The following CP variants were observed in gnomAD, a reference collection of about 807,000 sequenced individuals.
CP encodes ceruloplasmin.
A neutral mutation model predicts 122.4 loss-of-function variants in CP; 64 were observed. That is an observed-to-expected ratio of 0.52 (90% CI 0.43 to 0.64). The LOEUF (loss-of-function observed/expected upper bound fraction) is 0.64. Among genes scored for constraint, CP ranks in the 30% least tolerant of loss-of-function variants. CP has a pLI of 0.00. For missense variants in CP, 1,167 were observed against 1,284.4 expected (o/e 0.91, Z 1.40); for synonymous variants, 440 against 436.4 (o/e 1.01, Z -0.10).
intron 6 of CP, among the ~76,000 whole-genome samples, chr3:149,203,738 G>T (rs560760941): frequency 3.9e-5 from 6 of 152,280 alleles, no homozygotes; most frequent in Non-Finnish European, 8.8e-5. Context: ...CCTGCTCTTT[G>T]CTGGGAATCC....
At chr3:149,204,056 G>A (rs78038778) in intron 6 of CP, among the ~76,000 whole-genome samples, 14,972 of 152,186 alleles carry the variant, frequency 0.098, 1,183 homozygotes, top group East Asian at 0.39. Flanking sequence ...CAGGCTTAGA[G>A]AAAAGAGCGA....
chr3:149,167,989 A>G (rs1441622426), downstream of CP: 5 of 1,459,972 alleles, frequency 3.4e-6, no homozygotes, highest in East Asian at 1.2e-4. Flanking sequence ...AAAAGGTAAA[A>G]TGATTTTTTT....
At chr3:149,165,685 G>T (rs1319570388) in intron 5 of CP, among the ~76,000 whole-genome samples, 1 of 151,694 alleles carries the variant, frequency 6.6e-6, no homozygotes, top group South Asian at 2.1e-4. Flanking sequence ...CTAAGTAAAA[G>T]TTCATGGGTA....
At chr3:149,208,664 A>G (rs1046945988) in intron 4 of CP, among the ~76,000 whole-genome samples, 3 of 152,146 alleles carry the variant, frequency 2.0e-5, no homozygotes, top group Admixed American at 2.0e-4. Context: ...TACTAAGCTC[A>G]TTATTTTGTG....
chr3:149,209,840 G>A (rs1727988848), intron 3 of CP, among the ~76,000 whole-genome samples: 1 of 152,108 alleles, frequency 6.6e-6, no homozygotes, highest in Non-Finnish European at 1.5e-5. Context: ...ATCTATCACC[G>A]TGGAGTGCCC....
In CP at chr3:149,210,339, T is replaced by A; in HGVS notation, c.435A>T (p.Ala145=). ...GCTCTCCTGGATATACTTTGTCATC[T>A]GCTCTTTGAAAATCTGTGGTGTTAT... The part of the protein sequence containing the change: ...YPDNTTDFQR[A]DDKVYPGEQY... Residue 145 remains alanine (A), a synonymous_variant, in exon 3 of 19, where the codon GCA becomes GCT. Coordinates refer to ENST00000264613, the MANE Select transcript of CP (RefSeq NM_000096.4). 6.2e-7 allele frequency: 1 copy of A among 1,614,122 alleles called. No homozygotes were observed. Among genetic ancestry groups the A allele is most frequent in the Non-Finnish European group, 8.5e-7 (1 of 1,179,944 alleles).
downstream of CP, chr3:149,168,319 A>C (rs1724631640): frequency 1.5e-5 from 4 of 259,168 alleles, no homozygotes; most frequent in South Asian, 2.0e-4. Context: ...AATTTACTTC[A>C]TGTAGGAAGT....
At chr3:149,206,019 C>T in intron 6 of CP, 149 bp downstream of exon 6, 1 of 741,048 alleles carries the variant, frequency 1.3e-6, no homozygotes, top group Non-Finnish European at 2.2e-6. Flanking sequence ...AGCTCAGACT[C>T]TTACATCAAA....
chr3:149,211,156 C>A (rs1206320211), intron 2 of CP, among the ~76,000 whole-genome samples: 1 of 152,176 alleles, frequency 6.6e-6, no homozygotes, highest in Non-Finnish European at 1.5e-5. Flanking sequence ...AAAGTCAACA[C>A]ATTCACTTTC....
chr3:149,164,477 G>C (rs1053110774), intron 5 of CP, among the ~76,000 whole-genome samples: 2 of 152,132 alleles, frequency 1.3e-5, no homozygotes, highest in African/African-American at 4.8e-5. Context: ...CAGTGTTTTG[G>C]CTGGCAGTGA....
intron 6 of CP, among the ~76,000 whole-genome samples, chr3:149,202,972 T>C (rs1193228415): frequency 6.9e-6 from 1 of 145,504 alleles, no homozygotes; most frequent in African/African-American, 2.6e-5. Flanking sequence ...AGTGGTGCCA[T>C]CTCAGCTCAC....
chr3:149,185,727 C>T (rs1411861736), intron 11 of CP, among the ~76,000 whole-genome samples: 1 of 152,178 alleles, frequency 6.6e-6, no homozygotes, highest in East Asian at 1.9e-4. Flanking sequence ...TTAAGTAGCA[C>T]CTCCTGAGAG....
chr3:149,162,633 C>A, exon 6 of CP: 1 of 1,548,630 alleles, frequency 6.5e-7, no homozygotes, highest in South Asian at 1.1e-5. Context: ...GCCCAGCTGT[C>A]GCTTTATCAG....
rs1176317888 is a variant in CP, at chr3:149,203,250, C to T, written c.1209-1009G>A. Among the ~76,000 whole-genome samples, 4 of 151,922 alleles carry T rather than the reference C, an allele frequency of 2.6e-5. 1 individual carries two copies. The highest frequency in any genetic ancestry group is 4.2e-4 in the South Asian group (2 of 4,812). On this transcript the variant is annotated intron_variant, in intron 6 of 18. Coordinates refer to ENST00000264613, the MANE Select transcript of CP (RefSeq NM_000096.4). The stretch of plus-strand genomic sequence containing the variant: ...TGTGTATTAGCACTGGCCAGCTGCT[C>T]GGGAGCTTTTATTTATTTATTTTTT...
In CP at chr3:149,178,585, G is replaced by A. The variant is rs928459852; in HGVS notation, c.2708C>T (p.Pro903Leu). ...TCTGGGATTGAATACTTTCAAGTAAGGTCTTCGACAAACAATCAGGGGGCC... is the reference window on the plus strand; with the variant it reads ...TCTGGGATTGAATACTTTCAAGTAAAGTCTTCGACAAACAATCAGGGGGCC... Reference protein sequence around the residue: ...LIGPLIVCRRPYLKVFNPRRK... With the variant: ...LIGPLIVCRRLYLKVFNPRRK... The change falls in exon 16 of 19, where the codon CCT becomes CTT. Residue 903 changes from proline to leucine, a missense_variant. Around this residue, in one of 2 missense-constraint regions of CP, gnomAD observed 525 missense variants for 657.2 expected, o/e 0.80. Coordinates refer to ENST00000264613, the MANE Select transcript of CP (RefSeq NM_000096.4). 9 of 1,613,354 alleles carry A rather than the reference G, an allele frequency of 5.6e-6. No homozygotes were observed. Among genetic ancestry groups the A allele is most frequent in the Non-Finnish European group, 1.7e-6 (2 of 1,179,664 alleles).
At chr3:149,215,902 C>T (rs1728429834) in intron 1 of CP, among the ~76,000 whole-genome samples, 1 of 152,054 alleles carries the variant, frequency 6.6e-6, no homozygotes, top group African/African-American at 2.4e-5. Context: ...AAAGAAAAGC[C>T]CGCTCCTATA....
At chr3:149,168,661 A>G (rs558032602), downstream of CP, among the ~76,000 whole-genome samples, 78 of 152,138 alleles carry the variant, frequency 5.1e-4, 1 homozygote, top group South Asian at 0.016. Flanking sequence ...GCCACTGGAG[A>G]TTATTTTTCT....
intron 7 of CP, 68 bp from the exon 8 acceptor site, chr3:149,199,932 C>G: frequency 6.7e-7 from 1 of 1,499,256 alleles, no homozygotes; most frequent in Non-Finnish European, 9.3e-7. Flanking sequence ...AGATAGTTAT[C>G]TTCTTTGACT....
intron 18 of CP, among the ~76,000 whole-genome samples, chr3:149,174,485 C>T (rs1725283057): frequency 6.6e-6 from 1 of 152,110 alleles, no homozygotes; most frequent in East Asian, 1.9e-4. Context: ...TGTGGCTACG[C>T]ACATCATTAA....
Sources: gnomAD v4.1 joint callset for allele counts (sites outside exome capture counted in the v4.1 genomes callset) on GRCh38, gnomAD v4.1.1 for gene constraint, gnomAD v4.1.1 regional missense constraint, MANE v1.5 for transcripts, NCBI Gene and HGNC (gene_info 2026-07-23, HGNC 2026-07-21) for gene names.